TENM3: variants seen among roughly 807,000 people sequenced by gnomAD.
The protein encoded by TENM3 is teneurin transmembrane protein 3, also known as teneurin-3.
TENM3 carries 63 observed loss-of-function variants against 255.1 expected under a neutral mutation model. That is an observed-to-expected ratio of 0.25 (90% CI 0.20 to 0.30). TENM3 has a LOEUF of 0.30. TENM3 is among the 10% of genes least tolerant of loss of function. The probability of loss-of-function intolerance (pLI) is 1.00; values close to 1 mark genes in which losing one functional copy is unlikely to be tolerated. For missense variants in TENM3, 2,929 were observed against 3,461.1 expected (o/e 0.85, Z 3.86); for synonymous variants, 1,306 against 1,322.3 (o/e 0.99, Z 0.27).
chr4:181,815,685 G>C, the TENM3 span, among the ~76,000 whole-genome samples: 3 of 152,094 alleles, frequency 2.0e-5, no homozygotes, highest in Non-Finnish European at 2.9e-5. Context: ...GAGACCGAAG[G>C]CTGTCATTTT....
chr4:181,595,294 G>C, the TENM3 span, among the ~76,000 whole-genome samples: 1 of 151,910 alleles, frequency 6.6e-6, no homozygotes, highest in Non-Finnish European at 1.5e-5. Flanking sequence ...AGCCAGGCAT[G>C]GTGATGTCCA....
chr4:182,505,322 TA>T (rs1001335725), intron 3 of TENM3, among the ~76,000 whole-genome samples: 1 of 110,810 alleles, frequency 9.0e-6, no homozygotes, highest in Non-Finnish European at 2.3e-5. Flanking sequence ...AATTGTGCAA[TA>T]CAGATCTTAA....
chr4:181,832,599 A>C, the TENM3 span, among the ~76,000 whole-genome samples: 5 of 152,304 alleles, frequency 3.3e-5, no homozygotes, highest in Admixed American at 3.3e-4. Flanking sequence ...GGAAGTATCT[A>C]CCGTCTATAG....
At chr4:182,239,849 A>G (rs1757129774), upstream of TENM3, among the ~76,000 whole-genome samples, 1 of 152,258 alleles carries the variant, frequency 6.6e-6, no homozygotes, top group Non-Finnish European at 1.5e-5. Flanking sequence ...AAGAAGAAAC[A>G]AAAATTGATT....
intron 3 of TENM3, among the ~76,000 whole-genome samples, chr4:182,504,945 T>G (rs1024135926): frequency 2.0e-5 from 3 of 152,230 alleles, no homozygotes; most frequent in Non-Finnish European, 4.4e-5. Context: ...CTTTTCCAAC[T>G]CAGCATGGTG....
At chr4:181,970,441 G>GA in the TENM3 span, among the ~76,000 whole-genome samples, 1 of 151,774 alleles carries the variant, frequency 6.6e-6, no homozygotes, top group African/African-American at 2.4e-5. Context: ...CAAGATAAAA[G>GA]AAAAAAAATA....
At chr4:182,539,266 C>T (rs967617942) in intron 3 of TENM3, among the ~76,000 whole-genome samples, 1 of 151,678 alleles carries the variant, frequency 6.6e-6, no homozygotes, top group Admixed American at 6.6e-5. Flanking sequence ...GGGACCTAAT[C>T]AGTGGTGTAG....
the TENM3 span, among the ~76,000 whole-genome samples, chr4:181,847,320 C>T: frequency 2.6e-5 from 4 of 152,128 alleles, no homozygotes; most frequent in Non-Finnish European, 5.9e-5. Context: ...TCTTGAGGGT[C>T]ACTATTTTCT....
At chr4:181,827,766 C>G in the TENM3 span, among the ~76,000 whole-genome samples, 16 of 152,260 alleles carry the variant, frequency 1.1e-4, no homozygotes, top group South Asian at 3.3e-3. Flanking sequence ...GTAAGGAGAG[C>G]AGGACGATGC....
At chr4:182,321,876 C>T (rs28685247) in intron 1 of TENM3, among the ~76,000 whole-genome samples, 20,251 of 151,632 alleles carry the variant, frequency 0.13, 1,723 homozygotes, top group African/African-American at 0.24. Context: ...ACCCAGGAGG[C>T]GGAGGTTGCA....
At chr4:182,732,344 T>C (rs1000340998) in intron 16 of TENM3, among the ~76,000 whole-genome samples, 1 of 152,200 alleles carries the variant, frequency 6.6e-6, no homozygotes, top group African/African-American at 2.4e-5. Flanking sequence ...TTAATTATTG[T>C]TGTCAGTAAA....
chr4:181,502,760 G>A, the TENM3 span, among the ~76,000 whole-genome samples: 3 of 152,128 alleles, frequency 2.0e-5, no homozygotes, highest in East Asian at 3.9e-4. Flanking sequence ...CTGGGGAGCA[G>A]TTAGCATTTG....
the TENM3 span, among the ~76,000 whole-genome samples, chr4:181,508,478 G>A: frequency 6.6e-6 from 1 of 152,186 alleles, no homozygotes; most frequent in Non-Finnish European, 1.5e-5. Flanking sequence ...GTATTTTAAG[G>A]TTGACCATAG....
At chr4:181,668,901 C>T in the TENM3 span, among the ~76,000 whole-genome samples, 1 of 152,122 alleles carries the variant, frequency 6.6e-6, no homozygotes, top group East Asian at 1.9e-4. Flanking sequence ...TAACTTACAC[C>T]TCACTAGCTG....
chr4:181,718,661 T>G, the TENM3 span, among the ~76,000 whole-genome samples: 1 of 152,188 alleles, frequency 6.6e-6, no homozygotes, highest in Non-Finnish European at 1.5e-5. Flanking sequence ...TATTCCAGAG[T>G]TTCTAGGCTT....
chr4:182,315,659 T>A (rs1426035241), intron 1 of TENM3, among the ~76,000 whole-genome samples: 1 of 152,182 alleles, frequency 6.6e-6, no homozygotes, highest in African/African-American at 2.4e-5. Context: ...CATCTTCAGT[T>A]ATTATTTCTT....
intron 1 of TENM3, among the ~76,000 whole-genome samples, chr4:182,191,561 G>T (rs906744951): frequency 6.6e-6 from 1 of 152,106 alleles, no homozygotes; most frequent in African/African-American, 2.4e-5. Context: ...GTTTTATCTA[G>T]AATTTTTTTT....
chr4:181,842,340 T>C, the TENM3 span, among the ~76,000 whole-genome samples: 1 of 152,314 alleles, frequency 6.6e-6, no homozygotes, highest in South Asian at 2.1e-4. Context: ...ATATCTATTT[T>C]ACCCTAAGCC....
the TENM3 span, among the ~76,000 whole-genome samples, chr4:181,894,510 G>C: frequency 1.3e-5 from 2 of 152,300 alleles, no homozygotes; most frequent in South Asian, 4.1e-4. Flanking sequence ...CTTATTTGAA[G>C]AGTGACATTA....
Sources: allele counts gnomAD v4.1 joint callset (sites outside exome capture counted in the v4.1 genomes callset), GRCh38; gene constraint gnomAD v4.1.1; transcripts MANE v1.5; gene names NCBI Gene and HGNC (gene_info 2026-07-23, HGNC 2026-07-21).